Variants in SPTLC2 observed in about 807,000 individuals in gnomAD.
SPTLC2 encodes the protein serine palmitoyltransferase 2.
A neutral mutation model predicts 62.0 loss-of-function variants in SPTLC2; 21 were observed. That is an observed-to-expected ratio of 0.34 (90% CI 0.24 to 0.49). The LOEUF is 0.49. SPTLC2 is among the 20% of genes least tolerant of loss of function. The pLI is 0.99. For missense variants in SPTLC2, 511 were observed against 713.0 expected, an observed-to-expected ratio of 0.72 and a Z score of 3.23; for synonymous variants, 261 against 261.8, an observed-to-expected ratio of 1.00 and a Z score of 0.03.
At chr14:77,528,785 A>C (rs892656635) in intron 9 of SPTLC2, among the ~76,000 whole-genome samples, 9 of 151,702 alleles carry the variant, frequency 5.9e-5, no homozygotes, top group Non-Finnish European at 2.9e-5. Flanking sequence ...ATTGAAGCTA[A>C]CTGTCAATCT....
At chr14:77,516,798 T>C (rs982186948) in intron 11 of SPTLC2, among the ~76,000 whole-genome samples, 6 of 152,242 alleles carry the variant, frequency 3.9e-5, no homozygotes, top group Admixed American at 3.3e-4. Flanking sequence ...CTTACTACAA[T>C]TTTGTTTTTT....
intron 11 of SPTLC2, among the ~76,000 whole-genome samples, chr14:77,517,524 T>C (rs2079365031): frequency 6.6e-6 from 1 of 152,084 alleles, no homozygotes. Context: ...AACAGACTTA[T>C]TCCTATCCTC....
intron 5 of SPTLC2, among the ~76,000 whole-genome samples, chr14:77,569,362 C>T (rs2079664625): frequency 6.6e-6 from 1 of 152,190 alleles, no homozygotes; most frequent in Admixed American, 6.5e-5. Flanking sequence ...TTTATCAACA[C>T]AGGTGGGTTT....
At chr14:77,612,523 T>A (rs1335525110) in intron 1 of SPTLC2, among the ~76,000 whole-genome samples, 1 of 152,244 alleles carries the variant, frequency 6.6e-6, no homozygotes, top group Non-Finnish European at 1.5e-5. Context: ...TAAATTACAT[T>A]ATTTCTGAAA....
chr14:77,614,869 G>C (rs982497074), intron 1 of SPTLC2, among the ~76,000 whole-genome samples: 2 of 150,356 alleles, frequency 1.3e-5, no homozygotes, highest in Non-Finnish European at 3.0e-5. Context: ...TACTCGGGAG[G>C]CTGGGGCAGG....
At chr14:77,521,142 T>C (rs2079382919) in intron 10 of SPTLC2, among the ~76,000 whole-genome samples, 1 of 152,266 alleles carries the variant, frequency 6.6e-6, no homozygotes, top group African/African-American at 2.4e-5. Flanking sequence ...TTGTTTATTA[T>C]GTCTGTCTGA....
At chr14:77,605,178 T>A (rs2079898882) in intron 1 of SPTLC2, among the ~76,000 whole-genome samples, 2 of 150,850 alleles carry the variant, frequency 1.3e-5, no homozygotes, top group African/African-American at 5.0e-5. Flanking sequence ...CATACCTGGT[T>A]AATTTTTTTT....
intron 9 of SPTLC2, among the ~76,000 whole-genome samples, chr14:77,532,008 T>C (rs2140001912): frequency 6.6e-6 from 1 of 152,348 alleles, no homozygotes; most frequent in South Asian, 2.1e-4. Flanking sequence ...TCTCTATTGA[T>C]GATTTTAAAT....
chr14:77,539,588 C>T (rs1594978144), intron 9 of SPTLC2, among the ~76,000 whole-genome samples: 1 of 139,628 alleles, frequency 7.2e-6, no homozygotes, highest in Non-Finnish European at 1.5e-5. Flanking sequence ...CTCCTGGGCT[C>T]AAGTGATCCT....
Position 77,508,183 on chromosome 14 carries a change from T to A in SPTLC2, c.*4101A>T, listed in dbSNP as rs1193556101. 1 of 150,948 alleles carries A rather than the reference T, an allele frequency of 6.6e-6. No individual in the cohort carries two copies. Among genetic ancestry groups the A allele is most frequent in the Non-Finnish European group, 1.5e-5 (1 of 67,516 alleles). The allele number at this position is 150,948 out of a possible 1,614,324, so 9.4% of individuals were successfully genotyped here. On this transcript the variant is annotated 3_prime_UTR_variant, in exon 12 of 12. Coordinates refer to ENST00000216484, the MANE Select transcript of SPTLC2 (RefSeq NM_004863.4). ...GGCAGGCACCACCATGCCCGGTTAA[T>A]TTAGAAAAAAATTTTTGTAGAGACA...
intron 11 of SPTLC2, among the ~76,000 whole-genome samples, chr14:77,517,187 G>A (rs1204234234): frequency 6.6e-6 from 1 of 152,180 alleles, no homozygotes; most frequent in Non-Finnish European, 1.5e-5. Context: ...AGGATGTGGT[G>A]AGCTGAGATC....
chr14:77,584,388 G>C (rs1254386876), intron 2 of SPTLC2, among the ~76,000 whole-genome samples: 1 of 152,190 alleles, frequency 6.6e-6, no homozygotes, highest in East Asian at 1.9e-4. Context: ...CACAACAGCA[G>C]CAAGAGTGCC....
chr14:77,590,061 G>C (rs1372935615), intron 2 of SPTLC2, among the ~76,000 whole-genome samples: 1 of 151,500 alleles, frequency 6.6e-6, no homozygotes, highest in Non-Finnish European at 1.5e-5. Context: ...CAGCAGCCTT[G>C]AACTCCTAGG....
rs1192423469 is a variant in SPTLC2, at chr14:77,518,616, C to A, written c.1440-449G>T. Among the ~76,000 whole-genome samples the A allele has an allele frequency of 2.1e-5, 3 of 145,160 alleles. No homozygotes were observed. In the East Asian group the frequency reaches 5.8e-4, roughly 28 times the overall value. ...TGTCTCAAAAAAAAAAAAAAGTGTCCCTGATATGTAATAGTGGTTCAGAGG... is the reference window on the plus strand; with the variant it reads ...TGTCTCAAAAAAAAAAAAAAGTGTCACTGATATGTAATAGTGGTTCAGAGG... On this transcript the variant is annotated intron_variant, in intron 10 of 11. Coordinates refer to ENST00000216484, the MANE Select transcript of SPTLC2 (RefSeq NM_004863.4).
intron 5 of SPTLC2, 150 bp downstream of exon 5, chr14:77,570,234 A>G (rs1441203768): frequency 1.7e-6 from 2 of 1,142,990 alleles, no homozygotes; most frequent in East Asian, 5.4e-5. Context: ...AAAAAAAAAA[A>G]AAAAAAGAAA....
At chr14:77,587,131 G>T (rs151194462) in intron 2 of SPTLC2, among the ~76,000 whole-genome samples, 1 of 152,034 alleles carries the variant, frequency 6.6e-6, no homozygotes, top group Admixed American at 6.6e-5. Flanking sequence ...GGGAGGCTGA[G>T]GCAGAAGAAT....
At chr14:77,559,114 G>T (rs2079601073) in intron 6 of SPTLC2, among the ~76,000 whole-genome samples, 1 of 152,114 alleles carries the variant, frequency 6.6e-6, no homozygotes, top group Non-Finnish European at 1.5e-5. Flanking sequence ...AAGGTCAGGA[G>T]TTCGAGACCA....
At chr14:77,527,844 C>T (rs2079417011) in intron 9 of SPTLC2, among the ~76,000 whole-genome samples, 1 of 152,126 alleles carries the variant, frequency 6.6e-6, no homozygotes, top group Non-Finnish European at 1.5e-5. Flanking sequence ...TAGCATTATA[C>T]TTCAAAGAAT....
intron 2 of SPTLC2, among the ~76,000 whole-genome samples, chr14:77,579,638 C>T (rs753437147): frequency 4.6e-5 from 7 of 151,974 alleles, no homozygotes; most frequent in Non-Finnish European, 1.0e-4. Context: ...CCCAGCTACT[C>T]GGGAGGCTGA....
Sources: gnomAD v4.1 joint callset for allele counts (sites outside exome capture counted in the v4.1 genomes callset) on GRCh38, gnomAD v4.1.1 for gene constraint, MANE v1.5 for transcripts, NCBI Gene and HGNC (gene_info 2026-07-23, HGNC 2026-07-21) for gene names.